SLC6A16: variants seen among roughly 807,000 people sequenced by gnomAD.
SLC6A16 encodes the protein solute carrier family 6 member 16, also known as orphan sodium- and chloride-dependent neurotransmitter transporter NTT5.
SLC6A16 carries 54 observed loss-of-function variants against 65.4 expected under a neutral mutation model. The ratio of observed to expected loss-of-function variants is 0.83; its 90% CI spans 0.66 to 1.04. SLC6A16 has a LOEUF of 1.04. Among genes scored for constraint, SLC6A16 ranks in the 50% least tolerant of loss-of-function variants. SLC6A16 has a pLI of 0.00. For synonymous variants in SLC6A16, 330 were observed against 346.5 expected, an observed-to-expected ratio of 0.95 and a Z score of 0.53; for missense variants, 816 against 914.0, an observed-to-expected ratio of 0.89 and a Z score of 1.38.
In SLC6A16 at chr19:49,310,462, G is replaced by A; in HGVS notation, c.464C>T (p.Pro155Leu). 6.2e-7 allele frequency: 1 copy of A among 1,614,150 alleles called. No homozygotes were observed. The highest frequency in any genetic ancestry group is 8.5e-7 in the Non-Finnish European group (1 of 1,180,026). ...YIFMLFLVGVPLLFLEMAAGQ... is the reference protein window; with the variant it reads ...YIFMLFLVGVLLLFLEMAAGQ... Reference sequence around the variant, plus strand: ...AGCTGCCATCTCCAGGAAGAGAAGAGGAACCCCGACCAGGAACAGCATGAA... The same window carrying A: ...AGCTGCCATCTCCAGGAAGAGAAGAAGAACCCCGACCAGGAACAGCATGAA... The change falls in exon 3 of 12, where the codon CCT becomes CTT. Residue 155 changes from proline (P) to leucine (L), a missense_variant. Physicochemically the swap from Pro to Leu is moderately conservative, Grantham distance 98. Coordinates refer to ENST00000335875, the MANE Select transcript of SLC6A16 (RefSeq NM_014037.3).
intron 1 of SLC6A16, among the ~76,000 whole-genome samples, 197 bp downstream of exon 1, chr19:49,324,851 C>G (rs1396638468): frequency 2.0e-5 from 3 of 152,232 alleles, no homozygotes; most frequent in African/African-American, 7.2e-5. Context: ...ACAGTTTCCT[C>G]TGTCCTACGT....
chr19:49,315,524 G>A (rs1389579909), intron 1 of SLC6A16, among the ~76,000 whole-genome samples: 1 of 152,174 alleles, frequency 6.6e-6, no homozygotes, highest in East Asian at 1.9e-4. Context: ...TGGTCATGGT[G>A]GCTCATGCCT....
At position 49,311,094 on chromosome 19, in the gene SLC6A16, G is replaced by C. The variant is rs375834057; in HGVS notation, c.254C>G (p.Thr85Arg). The C allele has an allele frequency of 8.1e-6, 13 of 1,614,186 alleles. No individual in the cohort carries two copies. The East Asian group carries it at 2.9e-4, about 36-fold the overall frequency. ...CTCTGTCATCTGCACCTTCTCATGC[G>C]TGGGTTTCTGGTTCAGGGCTGAGGC... ...LTASALNQKP[T>R]HEKVQMTEKK... is the part of the protein sequence containing the mutation. The change falls in exon 2 of 12, where the codon ACG becomes AGG. Residue 85 changes from threonine to arginine, a missense_variant. Transcript: ENST00000335875.
At chr19:49,322,142 A>C (rs1970721864) in intron 1 of SLC6A16, among the ~76,000 whole-genome samples, 1 of 152,170 alleles carries the variant, frequency 6.6e-6, no homozygotes, top group Non-Finnish European at 1.5e-5. Context: ...CCAAACTAGA[A>C]AGATTATATG....
rs559089243 is a variant in SLC6A16 at position 49,321,737 on chromosome 19, AAAAC to A, written c.-65+3307_-65+3310del. Among the ~76,000 whole-genome samples, 33 of 151,650 alleles carry A rather than the reference AAAAC, an allele frequency of 2.2e-4. No individual in the cohort carries two copies. The Middle Eastern group carries it at 0.01, about 47-fold the overall frequency. On this transcript the variant is annotated intron_variant, in intron 1 of 11. Coordinates refer to ENST00000335875, the MANE Select transcript of SLC6A16 (RefSeq NM_014037.3). ...GGTGACAGAGCAAGACTCCATCTCA[AAAAC>A]AAACAAACAAACAAACAAACAAAAT...
chr19:49,298,120 C>T (rs1600614982), intron 7 of SLC6A16, among the ~76,000 whole-genome samples: 1 of 152,098 alleles, frequency 6.6e-6, no homozygotes, highest in Admixed American at 6.5e-5. Flanking sequence ...GAATCCCAAG[C>T]AAAATAAAAG....
chr19:49,306,404 G>C (rs1271134225), intron 7 of SLC6A16, among the ~76,000 whole-genome samples: 2 of 151,878 alleles, frequency 1.3e-5, no homozygotes, highest in Non-Finnish European at 2.9e-5. Flanking sequence ...TAAGCAAAGA[G>C]AATGTATATA....
chr19:49,290,578 G>A (rs202077216), intron 11 of SLC6A16, 27 bp downstream of exon 11: 3 of 1,613,000 alleles, frequency 1.9e-6, no homozygotes, highest in African/African-American at 2.7e-5. Context: ...ACTCCCAAAG[G>A]GGTTCTGGGT....
chr19:49,305,049 A>G (rs1290419103), intron 7 of SLC6A16, among the ~76,000 whole-genome samples: 1 of 152,208 alleles, frequency 6.6e-6, no homozygotes, highest in Non-Finnish European at 1.5e-5. Flanking sequence ...TTAAGAGGTA[A>G]AGTCTATTTT....
intron 1 of SLC6A16, chr19:49,312,407 T>G (rs953771595): frequency 6.8e-6 from 2 of 293,294 alleles, no homozygotes; most frequent in African/African-American, 4.6e-5. Flanking sequence ...CTCTCTTTAC[T>G]TCATGGCATT....
At chr19:49,320,593 T>A (rs1335392297) in intron 1 of SLC6A16, among the ~76,000 whole-genome samples, 2 of 151,764 alleles carry the variant, frequency 1.3e-5, no homozygotes, top group Non-Finnish European at 2.9e-5. Context: ...TTTAAAAATA[T>A]CAACAAAATT....
intron 1 of SLC6A16, among the ~76,000 whole-genome samples, chr19:49,316,017 C>A (rs8112626): frequency 6.6e-6 from 1 of 151,926 alleles, no homozygotes; most frequent in Non-Finnish European, 1.5e-5. Flanking sequence ...GATGATATAT[C>A]TATGTGGAAG....
At chr19:49,306,935 G>A (rs1030846016) in intron 7 of SLC6A16, among the ~76,000 whole-genome samples, 10 of 151,856 alleles carry the variant, frequency 6.6e-5, no homozygotes, top group African/African-American at 2.4e-4. Context: ...CCTCTGGGAG[G>A]CAGTAAAGAG....
chr19:49,294,426 T>C lies in SLC6A16; in HGVS notation c.1357A>G (p.Ile453Val). ...ACCTCGCGGAGAACCATGCTTTTGATGTGCTGGGGAAGGCCACTGAGCCAG... is the reference window on the plus strand; with the variant it reads ...ACCTCGCGGAGAACCATGCTTTTGACGTGCTGGGGAAGGCCACTGAGCCAG... ...NAWLSGLPQH[I>V]KSMVLREVTE... is the part of the protein sequence containing the mutation. Residue 453 changes from isoleucine (I) to valine (V), a missense_variant, in exon 8 of 12, where the codon ATC becomes GTC. By Grantham distance (29) the Ile-to-Val change is conservative. Coordinates refer to ENST00000335875, the MANE Select transcript of SLC6A16 (RefSeq NM_014037.3). 6.2e-7 allele frequency: 1 copy of C among 1,614,162 alleles called. No homozygotes were observed.
the SLC6A16 span, among the ~76,000 whole-genome samples, chr19:49,338,408 T>G: frequency 6.6e-6 from 1 of 151,674 alleles, no homozygotes; most frequent in Admixed American, 6.6e-5. This position sits in a 1 kb window ranked among gnomAD's most constrained non-coding sequence, Gnocchi z 5.0. Context: ...TATTCACCTG[T>G]CGGGTATCAG....
Position 49,308,201 on chromosome 19 carries a change from G to A in SLC6A16, c.1229+675C>T, listed in dbSNP as rs183615245. ...GGCGCGGTGGCTCACGCCTGTAATC[G>A]CAGCACTTTGGGAGGCTGAGGCGGG... On this transcript the variant is annotated intron_variant, in intron 7 of 11. Coordinates refer to ENST00000335875, the MANE Select transcript of SLC6A16 (RefSeq NM_014037.3). Among the ~76,000 whole-genome samples the A allele has an allele frequency of 6.5e-4, 99 of 152,094 alleles. 1 individual carries two copies. The highest frequency in any genetic ancestry group is 6.8e-3 in the Middle Eastern group (2 of 294).
chr19:49,305,650 T>C (rs1222889690), intron 7 of SLC6A16: 2 of 149,204 alleles, frequency 1.3e-5, no homozygotes, highest in African/African-American at 4.9e-5. Flanking sequence ...CCTGCTGGGC[T>C]CAGCCCCCAG....
Position 49,293,852 on chromosome 19 carries a change from GAAGA to G in SLC6A16, c.1589_1592del (p.Phe530SerfsTer9). On this transcript the variant is annotated frameshift_variant, in exon 9 of 12. Transcript: ENST00000335875. LOFTEE classifies it high-confidence loss of function. Reference sequence around the variant, plus strand: ...CTATGAGCAGCTTTGTATGTTTCCTGAAGAAAGAGAAGGTGTCCTGGAGTGGAGT... The same window carrying G: ...CTATGAGCAGCTTTGTATGTTTCCTGAAGAGAAGGTGTCCTGGAGTGGAGT... The G allele has an allele frequency of 6.2e-7, 1 of 1,614,028 alleles. No individual in the cohort carries two copies. Among genetic ancestry groups the G allele is most frequent in the Non-Finnish European group, 8.5e-7 (1 of 1,180,010 alleles).
rs1970188368 is a variant in SLC6A16 at position 49,296,471 on chromosome 19, G to A, written c.1230-1918C>T. Among the ~76,000 whole-genome samples, 6 of 152,154 alleles carry A rather than the reference G, an allele frequency of 3.9e-5. No homozygotes were observed. In the South Asian group the frequency reaches 1.2e-3, roughly 32 times the overall value. ...AATAGACATGTTAACTAATGATACT[G>A]AGTAGAGCCCAGAAACATATTGTGG... On this transcript the variant is annotated intron_variant, in intron 7 of 11. Coordinates refer to ENST00000335875, the MANE Select transcript of SLC6A16 (RefSeq NM_014037.3).
Sources: gnomAD v4.1 joint callset for allele counts (sites outside exome capture counted in the v4.1 genomes callset) on GRCh38, gnomAD v4.1.1 for gene constraint, Gnocchi (gnomAD v3.1) non-coding constraint, MANE v1.5 for transcripts, NCBI Gene and HGNC (gene_info 2026-07-23, HGNC 2026-07-21) for gene names.